Variants in MEI1 observed in about 807,000 individuals in gnomAD.
MEI1 encodes meiotic double-stranded break formation protein 1.
Under a neutral mutation model 146.2 loss-of-function variants are expected in MEI1, and 103 were observed. The observed-to-expected ratio is 0.70, with a 90% CI of 0.60 to 0.83. The LOEUF is 0.83. Among genes scored for constraint, MEI1 ranks in the 40% least tolerant of loss-of-function variants. The pLI is 0.00. For synonymous variants in MEI1, 652 were observed against 628.2 expected (o/e 1.04, Z -0.57); for missense variants, 1,529 against 1,533.0 (o/e 1.00, Z 0.04).
At chr22:41,749,093 C>T (rs981747386) in intron 15 of MEI1, among the ~76,000 whole-genome samples, 4 of 152,014 alleles carry the variant, frequency 2.6e-5, no homozygotes, top group Non-Finnish European at 4.4e-5. Context: ...CGTGAGCGAC[C>T]GCCCAGAACA....
chr22:41,761,244 G>A (rs1255024248), intron 18 of MEI1, among the ~76,000 whole-genome samples: 1 of 151,786 alleles, frequency 6.6e-6, no homozygotes, highest in Non-Finnish European at 1.5e-5. Flanking sequence ...TTGGAAGGCA[G>A]AGGTTGCAAT....
chr22:41,709,717 T>G (rs1219536442), intron 3 of MEI1, among the ~76,000 whole-genome samples: 1 of 152,140 alleles, frequency 6.6e-6, no homozygotes, highest in Non-Finnish European at 1.5e-5. Flanking sequence ...TAGTCCTCCT[T>G]GCCATTATTG....
intron 11 of MEI1, 136 bp from the exon 12 acceptor site, chr22:41,742,944 C>T: frequency 3.3e-6 from 2 of 608,198 alleles, no homozygotes; most frequent in African/African-American, 1.8e-5. Flanking sequence ...CATTCCTGGC[C>T]TGGAGTAAGG....
chr22:41,769,810 T>C (rs563228877), intron 19 of MEI1, among the ~76,000 whole-genome samples: 15 of 151,534 alleles, frequency 9.9e-5, no homozygotes, highest in East Asian at 3.9e-4. Context: ...GGGAATGCAA[T>C]GGGAAGAGGT....
At chr22:41,784,204 C>A in intron 24 of MEI1, 135 bp from the exon 25 acceptor site, 1 of 724,144 alleles carries the variant, frequency 1.4e-6, no homozygotes, top group Non-Finnish European at 2.3e-6. Context: ...TTGGAGGACT[C>A]TGTGTGGCCT....
At chr22:41,793,179 G>A (rs1166456778) in intron 26 of MEI1, among the ~76,000 whole-genome samples, 1 of 151,080 alleles carries the variant, frequency 6.6e-6, no homozygotes, top group East Asian at 1.9e-4. Context: ...TGGGATTACA[G>A]GCGCCCACCA....
In MEI1 at chr22:41,770,949, G is replaced by A. The variant is rs1308735634; in HGVS notation, c.2532G>A (p.Leu844=). Residue 844 remains leucine (L), a synonymous_variant, in exon 20 of 31, where the codon CTG becomes CTA. Transcript: ENST00000401548. ...TGCTCAGAAGCATCCCCAGCATCCT[G>A]CTCATCTTGCTGGTAGGCAACCACT... ...FQLLRSIPSI[L]LILLDLIYSS... is the part of the protein sequence containing the mutation. 2 of 1,612,862 alleles carry A rather than the reference G, an allele frequency of 1.2e-6. No homozygotes were observed. Among genetic ancestry groups the A allele is most frequent in the South Asian group, 1.1e-5 (1 of 90,976 alleles).
intron 18 of MEI1, among the ~76,000 whole-genome samples, chr22:41,759,632 A>AAAATAAAT (rs202130156): frequency 7.4e-6 from 1 of 135,644 alleles, no homozygotes; most frequent in South Asian, 2.3e-4. Flanking sequence ...TCCGTCTCAA[A>AAAATAAAT]AAATAAATAA....
chr22:41,721,719 C>CTTTT lies in MEI1; in HGVS notation c.734-2207_734-2204dup, dbSNP rs58572782. ...GAATTCCCGTTTTTAAATGCTACCC[C>CTTTT]TTTTTTTTTTTTTTTTTTTTGAGAT... On this transcript the variant is annotated intron_variant, in intron 6 of 30. Transcript: ENST00000401548. Among the ~76,000 whole-genome samples the CTTTT allele has an allele frequency of 3.5e-3, 362 of 102,212 alleles. 21 individuals carry two copies. The highest frequency in any genetic ancestry group is 0.013 in the African/African-American group (327 of 24,236). 67.1% of individuals were successfully genotyped at this position (102,212 alleles called of 152,430 possible). A position where few individuals can be genotyped will look rare whatever the true frequency, so the allele number is the denominator to read the frequency against.
intron 6 of MEI1, among the ~76,000 whole-genome samples, chr22:41,723,674 CTTATAG>C (rs1009127010): frequency 1.3e-5 from 2 of 152,120 alleles, no homozygotes; most frequent in Admixed American, 6.6e-5. Flanking sequence ...CCTCATGAAA[CTTATAG>C]TTGAGTGAGG....
At chr22:41,749,439 C>G (rs1420844294) in intron 15 of MEI1, among the ~76,000 whole-genome samples, 1 of 152,080 alleles carries the variant, frequency 6.6e-6, no homozygotes, top group East Asian at 1.9e-4. Context: ...CCATGCCCGG[C>G]TAATTTTGTA....
At chr22:41,797,559 C>T (rs1280136235) in intron 30 of MEI1, among the ~76,000 whole-genome samples, 1 of 152,068 alleles carries the variant, frequency 6.6e-6, no homozygotes, top group African/African-American at 2.4e-5. Flanking sequence ...TTGCAGTCAG[C>T]TAAGATTGCA....
At chr22:41,745,116 G>A in intron 13 of MEI1, 52 bp downstream of exon 13, 1 of 1,296,402 alleles carries the variant, frequency 7.7e-7, no homozygotes. Context: ...AGGGGTGGAA[G>A]GGATTCAGAC....
intron 20 of MEI1, among the ~76,000 whole-genome samples, 179 bp downstream of exon 20, chr22:41,771,140 T>G (rs73428904): frequency 0.016 from 2,462 of 152,270 alleles, 62 homozygotes; most frequent in African/African-American, 0.055. Flanking sequence ...CTAGTTTCTG[T>G]AAATCCATAC....
chr22:41,767,436 AG>A, intron 19 of MEI1: 3 of 336,752 alleles, frequency 8.9e-6, no homozygotes, highest in Non-Finnish European at 1.9e-5. Flanking sequence ...CCTTTGTGGA[AG>A]CAGTGGAGGA....
chr22:41,797,362 A>G (rs987457966), intron 30 of MEI1, among the ~76,000 whole-genome samples: 2 of 151,860 alleles, frequency 1.3e-5, no homozygotes, highest in Non-Finnish European at 2.9e-5. Flanking sequence ...CTGTAATCCT[A>G]GCACTTTGGG....
intron 5 of MEI1, among the ~76,000 whole-genome samples, chr22:41,717,399 G>A (rs555562021): frequency 1.3e-5 from 2 of 152,170 alleles, no homozygotes; most frequent in East Asian, 3.9e-4. Flanking sequence ...CTGACTTCAA[G>A]TGATCTGCCC....
chr22:41,717,909 C>G (rs184153643), intron 5 of MEI1, among the ~76,000 whole-genome samples, 162 bp from the exon 6 acceptor site: 13 of 152,174 alleles, frequency 8.5e-5, no homozygotes, highest in African/African-American at 3.1e-4. Context: ...AGTTACTGTG[C>G]CCAGTTTGGT....
chr22:41,770,608 A>T, intron 19 of MEI1, 78 bp from the exon 20 acceptor site: 7 of 1,205,006 alleles, frequency 5.8e-6, no homozygotes, highest in Non-Finnish European at 8.1e-6. Context: ...CATTTTTCCT[A>T]GTCATCTCTT....
Sources: allele counts gnomAD v4.1 joint callset (sites outside exome capture counted in the v4.1 genomes callset), GRCh38; gene constraint gnomAD v4.1.1; transcripts MANE v1.5; gene names NCBI Gene and HGNC (gene_info 2026-07-23, HGNC 2026-07-21).